TENM2: variants seen among roughly 807,000 people sequenced by gnomAD.
The protein encoded by TENM2 is teneurin transmembrane protein 2.
TENM2 carries 52 observed loss-of-function variants against 245.2 expected under a neutral mutation model. The observed-to-expected ratio is 0.21, with a 90% CI of 0.17 to 0.27. TENM2 has a LOEUF of 0.27. Ranked by LOEUF, TENM2 falls within the 10% of genes least tolerant of loss-of-function variation. The pLI is 1.00. For synonymous variants in TENM2, 1,363 were observed against 1,438.9 expected, an observed-to-expected ratio of 0.95 and a Z score of 1.19; for missense variants, 3,046 against 3,666.8, an observed-to-expected ratio of 0.83 and a Z score of 4.37.
At chr5:167,335,534 C>G (rs181730552) in intron 1 of TENM2, among the ~76,000 whole-genome samples, 255 of 152,182 alleles carry the variant, frequency 1.7e-3, no homozygotes, top group Middle Eastern at 0.01. Context: ...ACTACCATTT[C>G]GTTTTGCATA....
intron 12 of TENM2, among the ~76,000 whole-genome samples, chr5:168,139,245 A>AAT (rs1293497237): frequency 3.3e-5 from 5 of 152,352 alleles, no homozygotes; most frequent in Admixed American, 1.3e-4. Context: ...AACTTAGTTA[A>AAT]ATCAAATGAA....
chr5:167,306,207 A>C (rs2127744614), intron 1 of TENM2: 2 of 152,338 alleles, frequency 1.3e-5, no homozygotes, highest in Admixed American at 1.3e-4. Context: ...GATATGAGCA[A>C]TGGTTATTTT....
At chr5:168,148,917 A>AGATAGATT (rs1396089185) in intron 12 of TENM2, among the ~76,000 whole-genome samples, 1 of 115,182 alleles carries the variant, frequency 8.7e-6, no homozygotes, top group African/African-American at 3.4e-5. Flanking sequence ...ATAGATAGAT[A>AGATAGATT]GATTGATAGA....
chr5:168,121,270 A>T (rs990386330), intron 10 of TENM2, among the ~76,000 whole-genome samples: 2 of 152,204 alleles, frequency 1.3e-5, no homozygotes, highest in Non-Finnish European at 2.9e-5. Context: ...GGTAAAGGCC[A>T]CTGTCCCCTT....
At chr5:168,044,973 C>T (rs571740984) in intron 5 of TENM2, among the ~76,000 whole-genome samples, 14 of 151,080 alleles carry the variant, frequency 9.3e-5, no homozygotes, top group African/African-American at 3.4e-4. Context: ...TTCAGACGCT[C>T]CCAAAAAACA....
intron 2 of TENM2, among the ~76,000 whole-genome samples, chr5:167,609,519 C>CAAAAAAAAAATT (rs1171421408): frequency 7.8e-6 from 1 of 128,952 alleles, no homozygotes; most frequent in African/African-American, 3.1e-5. Flanking sequence ...AAAACAAAAC[C>CAAAAAAAAAATT]TTACCTAGAA....
At chr5:167,736,305 C>T (rs960313067) in intron 2 of TENM2, among the ~76,000 whole-genome samples, 23 of 152,076 alleles carry the variant, frequency 1.5e-4, no homozygotes, top group East Asian at 3.9e-4. Context: ...TCCCATGACA[C>T]GTGAGGATTA....
At chr5:167,285,903 T>C (rs531708435) in intron 1 of TENM2, among the ~76,000 whole-genome samples, 2 of 152,398 alleles carry the variant, frequency 1.3e-5, no homozygotes, top group Non-Finnish European at 2.9e-5. Context: ...CCTCATTTGT[T>C]TTATAACACT....
At chr5:167,867,705 A>G (rs1046522332) in intron 2 of TENM2, among the ~76,000 whole-genome samples, 1 of 152,242 alleles carries the variant, frequency 6.6e-6, no homozygotes, top group Non-Finnish European at 1.5e-5. Flanking sequence ...TTGAGAAGAC[A>G]TAAGAGGTCA....
chr5:167,336,203 G>A (rs1175177459), intron 1 of TENM2, among the ~76,000 whole-genome samples: 1 of 96,226 alleles, frequency 1.0e-5, no homozygotes, highest in Admixed American at 1.6e-4. Context: ...TTTTTTTTCC[G>A]GTCAGGGTAA....
chr5:167,851,219 G>A (rs1770550507), intron 2 of TENM2, among the ~76,000 whole-genome samples: 1 of 152,132 alleles, frequency 6.6e-6, no homozygotes, highest in Admixed American at 6.5e-5. Flanking sequence ...GATAAACTGT[G>A]AGAGAGAGCC....
At chr5:168,165,193 A>C (rs1194934672) in intron 13 of TENM2, 1 of 152,208 alleles carries the variant, frequency 6.6e-6, no homozygotes, top group Admixed American at 6.5e-5. Context: ...AAACAGAGCC[A>C]AAGAGAAGTC....
chr5:167,079,513 A>C, the TENM2 span, among the ~76,000 whole-genome samples: 1 of 151,054 alleles, frequency 6.6e-6, no homozygotes, highest in Non-Finnish European at 1.5e-5. Flanking sequence ...GGGTTTCTCC[A>C]CATTGGTCAG....
chr5:167,571,522 G>A (rs529379468), intron 2 of TENM2, among the ~76,000 whole-genome samples: 2 of 151,944 alleles, frequency 1.3e-5, no homozygotes, highest in East Asian at 1.9e-4. Flanking sequence ...CCCTACTCAA[G>A]GTATCTTAAA....
intron 1 of TENM2, among the ~76,000 whole-genome samples, chr5:167,321,559 C>A (rs1476660019): frequency 6.6e-6 from 1 of 152,136 alleles, no homozygotes; most frequent in Non-Finnish European, 1.5e-5. Context: ...TCTCAGCCAA[C>A]AACTTGCCCC....
chr5:167,137,426 A>C, the TENM2 span, among the ~76,000 whole-genome samples: 4 of 152,200 alleles, frequency 2.6e-5, no homozygotes, highest in Non-Finnish European at 5.9e-5. Context: ...AATATGAAAA[A>C]AAGGTTGCGA....
At chr5:167,829,831 TGG>T (rs1768310962) in intron 2 of TENM2, among the ~76,000 whole-genome samples, 1 of 152,114 alleles carries the variant, frequency 6.6e-6, no homozygotes, top group Non-Finnish European at 1.5e-5. Context: ...TTTCATTAGC[TGG>T]CATGTGACAC....
At chr5:168,058,032 G>A (rs572636701) in intron 6 of TENM2, among the ~76,000 whole-genome samples, 1 of 152,290 alleles carries the variant, frequency 6.6e-6, no homozygotes, top group South Asian at 2.1e-4. Context: ...GTGGCTCCCA[G>A]CCAAGCACAA....
chr5:167,985,573 A>C (rs1351290630), intron 4 of TENM2, among the ~76,000 whole-genome samples: 1 of 152,198 alleles, frequency 6.6e-6, no homozygotes, highest in Non-Finnish European at 1.5e-5. Flanking sequence ...CACTGTGATG[A>C]GATTGTGGGA....
Sources: gnomAD v4.1 joint callset for allele counts (sites outside exome capture counted in the v4.1 genomes callset) on GRCh38, gnomAD v4.1.1 for gene constraint, MANE v1.5 for transcripts, NCBI Gene and HGNC (gene_info 2026-07-23, HGNC 2026-07-21) for gene names.